Variants in NRXN3 observed in about 807,000 individuals in gnomAD.
The protein encoded by NRXN3 is neurexin III.
In NRXN3, 32 loss-of-function variants were observed where a neutral mutation model predicts 137.6. The observed-to-expected ratio is 0.23, with a 90% CI of 0.18 to 0.31. The LOEUF is 0.31. NRXN3 is among the 10% of genes least tolerant of loss of function. NRXN3 has a pLI of 1.00. For synonymous variants in NRXN3, 798 were observed against 784.5 expected, an observed-to-expected ratio of 1.02 and a Z score of -0.29; for missense variants, 1,574 against 2,062.5, an observed-to-expected ratio of 0.76 and a Z score of 4.59.
intron 17 of NRXN3, among the ~76,000 whole-genome samples, chr14:79,665,581 A>G (rs2098553744): frequency 6.6e-6 from 1 of 152,054 alleles, no homozygotes; most frequent in Admixed American, 6.6e-5. Context: ...CTCTCTCTCC[A>G]TATGTGTTAT....
intron 8 of NRXN3, among the ~76,000 whole-genome samples, chr14:78,784,446 C>T (rs1270505273): frequency 6.6e-6 from 1 of 152,192 alleles, no homozygotes; most frequent in African/African-American, 2.4e-5. Context: ...CAAACTGGCA[C>T]ACTTTTGAGT....
At chr14:79,661,470 A>G (rs2098533360) in intron 16 of NRXN3, among the ~76,000 whole-genome samples, 1 of 152,166 alleles carries the variant, frequency 6.6e-6, no homozygotes, top group Admixed American at 6.5e-5. Context: ...GAACTGACAT[A>G]CTAAGTGATA....
chr14:78,629,790 C>T (rs996997986), intron 4 of NRXN3, among the ~76,000 whole-genome samples: 1 of 152,304 alleles, frequency 6.6e-6, no homozygotes, highest in South Asian at 2.1e-4. Context: ...AAAGGGAGTT[C>T]ACCTTATTCA....
At chr14:78,276,686 T>G (rs764906204) in intron 2 of NRXN3, among the ~76,000 whole-genome samples, 11 of 152,172 alleles carry the variant, frequency 7.2e-5, no homozygotes, top group Non-Finnish European at 1.2e-4. Context: ...CTCTGAAATT[T>G]AAGATTGTAA....
chr14:79,486,975 C>A (rs1262556447), intron 16 of NRXN3, among the ~76,000 whole-genome samples: 2 of 150,314 alleles, frequency 1.3e-5, no homozygotes, highest in African/African-American at 2.5e-5. Context: ...CACACACACA[C>A]CCCAAGATAA....
chr14:78,997,537 A>C (rs2099532513), intron 15 of NRXN3, among the ~76,000 whole-genome samples: 1 of 152,246 alleles, frequency 6.6e-6, no homozygotes, highest in South Asian at 2.1e-4. Flanking sequence ...CCACATCTAA[A>C]GGCACAAGAA....
intron 16 of NRXN3, among the ~76,000 whole-genome samples, chr14:79,591,172 A>C (rs910719575): frequency 6.6e-6 from 1 of 152,246 alleles, no homozygotes; most frequent in Admixed American, 6.5e-5. Context: ...TTTAGATGGA[A>C]AGTATTTATG....
rs745506360 is a variant in NRXN3 at position 78,966,220 on chromosome 14, G to A, written c.2591G>A (p.Gly864Glu). 1.2e-6 allele frequency: 2 copies of A among 1,614,124 alleles called. No homozygotes were observed. Among genetic ancestry groups the A allele is most frequent in the Non-Finnish European group, 1.7e-6 (2 of 1,180,022 alleles). Residue 864 changes from glycine (G) to glutamate (E), a missense_variant, in exon 12 of 21, where the codon GGA becomes GAA. Physicochemically the swap from Gly to Glu is moderately conservative, Grantham distance 98 (BLOSUM62 -2). Transcript: ENST00000335750. ...IDYCELKARF[G>E]LRNIIADPVT... The stretch of plus-strand genomic sequence containing the variant: ...TATTGTGAGCTGAAGGCTCGTTTTG[G>A]ACTGAGGAACATCATCGCTGACCCT...
chr14:78,192,214 G>A (rs1434179086), intron 1 of NRXN3, among the ~76,000 whole-genome samples: 30 of 152,050 alleles, frequency 2.0e-4, no homozygotes, highest in Admixed American at 1.9e-3. Context: ...TATTAATACT[G>A]CTCAGATGTT....
chr14:79,008,385 T>C lies in NRXN3; in HGVS notation c.3262+20244T>C, dbSNP rs192697187. 4.8e-3 allele frequency among the ~76,000 whole-genome samples: 729 copies of C among 152,342 alleles called. 4 individuals carry two copies. Among genetic ancestry groups the C allele is most frequent in the Non-Finnish European group, 8.1e-3 (553 of 68,030 alleles). On this transcript the variant is annotated intron_variant, in intron 15 of 20. Transcript: ENST00000335750. The stretch of plus-strand genomic sequence containing the variant: ...TGAATACTATAACTTACTTTTTTGC[T>C]TTTTAAAGTTTTTATTATTGAACAC...
At chr14:78,703,246 G>A (rs1296721931) in intron 6 of NRXN3, among the ~76,000 whole-genome samples, 1 of 152,208 alleles carries the variant, frequency 6.6e-6, no homozygotes, top group Non-Finnish European at 1.5e-5. Flanking sequence ...AAAGTTGAGA[G>A]AGTTTTAAGT....
At position 79,861,247 on chromosome 14, in the gene NRXN3, G is replaced by A. The variant is rs1338024101; in HGVS notation, c.4094-95G>A. 1 of 1,535,492 alleles carries A rather than the reference G, an allele frequency of 6.5e-7. No homozygotes were observed. Among genetic ancestry groups the A allele is most frequent in the Non-Finnish European group, 8.7e-7 (1 of 1,146,646 alleles). ...GCGATGGTTGTGATGATGATGGCTT[G>A]GTGATATCTGGGTATGGCTCAGGGG... On this transcript the variant is annotated intron_variant, in intron 20 of 20. Transcript: ENST00000335750. The surrounding 1 kb of genome is among the most constrained non-coding windows in gnomAD (Gnocchi z 5.4).
chr14:79,254,879 A>G lies in NRXN3; in HGVS notation c.3263-212342A>G, dbSNP rs1204550277. On this transcript the variant is annotated intron_variant, in intron 15 of 20. Transcript: ENST00000335750. ...CTCCCTTTCTCCCTTCCTCCCTCCAACTCTTCCTCCCTCCCTTCCTTTCTT... is the reference window on the plus strand; with the variant it reads ...CTCCCTTTCTCCCTTCCTCCCTCCAGCTCTTCCTCCCTCCCTTCCTTTCTT... Among the ~76,000 whole-genome samples the G allele has an allele frequency of 3.0e-5, 4 of 132,630 alleles. No homozygotes were observed. The South Asian group carries it at 7.4e-4, about 25-fold the overall frequency. The allele number at this position is 132,630 out of a possible 152,430, so 87.0% of individuals were successfully genotyped here.
At chr14:78,274,064 C>T (rs1017321561) in intron 2 of NRXN3, among the ~76,000 whole-genome samples, 2 of 152,190 alleles carry the variant, frequency 1.3e-5, no homozygotes, top group African/African-American at 2.4e-5. Context: ...GAATCTTGGA[C>T]TCATACCTGT....
chr14:79,198,667 C>G (rs969440122), intron 15 of NRXN3, among the ~76,000 whole-genome samples: 3 of 152,150 alleles, frequency 2.0e-5, no homozygotes, highest in African/African-American at 7.2e-5. Flanking sequence ...GTCAGTAATT[C>G]CATTCAACTA....
chr14:79,362,951 A>G (rs1256804596), intron 15 of NRXN3, among the ~76,000 whole-genome samples: 1 of 152,138 alleles, frequency 6.6e-6, no homozygotes, highest in Non-Finnish European at 1.5e-5. Flanking sequence ...GTATTTGCAG[A>G]TGCATGTGAT....
intron 6 of NRXN3, among the ~76,000 whole-genome samples, chr14:78,699,332 T>C (rs2098257628): frequency 2.6e-5 from 4 of 152,186 alleles, no homozygotes; most frequent in African/African-American, 9.7e-5. Context: ...AATGATAAAT[T>C]GGAGGACCTG....
intron 4 of NRXN3, among the ~76,000 whole-genome samples, chr14:78,612,696 T>G (rs1434894380): frequency 6.6e-6 from 1 of 152,208 alleles, no homozygotes; most frequent in Non-Finnish European, 1.5e-5. Flanking sequence ...AGTCTGGTAC[T>G]CAGTTGAGAT....
chr14:79,352,352 C>T (rs1231847894), intron 15 of NRXN3, among the ~76,000 whole-genome samples: 1 of 152,066 alleles, frequency 6.6e-6, no homozygotes, highest in East Asian at 1.9e-4. Flanking sequence ...TTCTGTTAGA[C>T]AGAACTGAAG....
Sources: gnomAD v4.1 joint callset for allele counts (sites outside exome capture counted in the v4.1 genomes callset) on GRCh38, gnomAD v4.1.1 for gene constraint, Gnocchi (gnomAD v3.1) non-coding constraint, MANE v1.5 for transcripts, NCBI Gene and HGNC (gene_info 2026-07-23, HGNC 2026-07-21) for gene names.